The following PHF14 variants were observed in gnomAD, a reference collection of about 807,000 sequenced individuals.
PHF14 encodes PHD finger protein 14.
A neutral mutation model predicts 117.9 loss-of-function variants in PHF14; 55 were observed. That is an observed-to-expected ratio of 0.47 (90% CI 0.38 to 0.58). The LOEUF (loss-of-function observed/expected upper bound fraction) is 0.58, where lower values mean the gene tolerates loss of function less well. PHF14 is among the 20% of genes least tolerant of loss of function. PHF14 has a pLI of 0.00. For synonymous variants in PHF14, 409 were observed against 368.6 expected (o/e 1.11, Z -1.26); for missense variants, 978 against 1,122.2 (o/e 0.87, Z 1.84).
chr7:11,143,759 C>G (rs1788464175), intron 17 of PHF14, among the ~76,000 whole-genome samples: 1 of 152,040 alleles, frequency 6.6e-6, no homozygotes, highest in African/African-American at 2.4e-5. Context: ...AGGTCATAAC[C>G]TTTATCCTCT....
chr7:10,984,425 A>G (rs76261133), intron 3 of PHF14, among the ~76,000 whole-genome samples: 120 of 152,238 alleles, frequency 7.9e-4, no homozygotes, highest in African/African-American at 2.7e-3. Flanking sequence ...CATTTGGGAA[A>G]TAGTGTAATA....
Position 10,993,018 on chromosome 7 carries a change from T to C in PHF14, c.1045+2171T>C, listed in dbSNP as rs560670703. 4.6e-5 allele frequency among the ~76,000 whole-genome samples: 7 copies of C among 152,292 alleles called. No individual in the cohort carries two copies. The South Asian group carries it at 1.0e-3, about 23-fold the overall frequency. On this transcript the variant is annotated intron_variant, in intron 4 of 17. Transcript: ENST00000634607. ...TTTGGCCGGAATACCACGGAAGTTATATAGTGTTCTTAGTGCATCGTATTA... is the reference window on the plus strand; with the variant it reads ...TTTGGCCGGAATACCACGGAAGTTACATAGTGTTCTTAGTGCATCGTATTA...
At chr7:11,068,440 G>T (rs560236693) in intron 16 of PHF14, among the ~76,000 whole-genome samples, 1 of 151,804 alleles carries the variant, frequency 6.6e-6, no homozygotes, top group Non-Finnish European at 1.5e-5. Context: ...GTTACAGAAG[G>T]GTACAAATAA....
intron 3 of PHF14, among the ~76,000 whole-genome samples, chr7:10,989,453 A>G (rs568311500): frequency 3.3e-5 from 5 of 152,330 alleles, no homozygotes; most frequent in South Asian, 2.1e-4. Flanking sequence ...ATAAAAATGT[A>G]TGGACCCAAG....
intron 17 of PHF14, among the ~76,000 whole-genome samples, chr7:11,148,105 A>C (rs906885005): frequency 6.6e-6 from 1 of 152,156 alleles, no homozygotes; most frequent in African/African-American, 2.4e-5. Flanking sequence ...CAGTACTCCA[A>C]GTTACCATCA....
intron 4 of PHF14, among the ~76,000 whole-genome samples, chr7:11,007,271 T>C (rs919313089): frequency 4.6e-5 from 7 of 152,222 alleles, no homozygotes; most frequent in African/African-American, 1.7e-4. Context: ...GAATTCTTTT[T>C]TTAATGGTCT....
At chr7:11,136,314 AG>A (rs1412928446) in intron 17 of PHF14, among the ~76,000 whole-genome samples, 1 of 152,166 alleles carries the variant, frequency 6.6e-6, no homozygotes, top group Non-Finnish European at 1.5e-5. Context: ...GAAGGAATTT[AG>A]AACTTTTCAT....
intron 16 of PHF14, among the ~76,000 whole-genome samples, chr7:11,095,844 A>T (rs1786832632): frequency 6.7e-6 from 1 of 148,242 alleles, no homozygotes; most frequent in Non-Finnish European, 1.5e-5. Flanking sequence ...GATTCTGTAG[A>T]TTTTTTTTTT....
Position 10,982,962 on chromosome 7 carries a change from G to T in PHF14, c.703G>T (p.Asp235Tyr). Residue 235 changes from aspartate to tyrosine, a missense_variant, in exon 3 of 18, where the codon GAC becomes TAC. Coordinates refer to ENST00000634607, the MANE Select transcript of PHF14 (RefSeq NM_001007157.2). ...GTCTCAGAAAGAGGGAAGTGATGGA[G>T]ACAATGAGGATGATGAAGATGAGGG... is the stretch of plus-strand genomic sequence containing the variant. The part of the protein sequence containing the change: ...SASQKEGSDG[D>Y]NEDDEDEGSG... 6.3e-7 allele frequency: 1 copy of T among 1,594,146 alleles called. No homozygotes were observed.
chr7:11,092,474 T>C (rs1786676078), intron 16 of PHF14, among the ~76,000 whole-genome samples: 1 of 152,188 alleles, frequency 6.6e-6, no homozygotes, highest in South Asian at 2.1e-4. Context: ...GGTTCTCAAT[T>C]GGCTAGAGAT....
chr7:11,134,167 G>C (rs576044131), intron 17 of PHF14, among the ~76,000 whole-genome samples: 1 of 151,996 alleles, frequency 6.6e-6, no homozygotes, highest in East Asian at 1.9e-4. Flanking sequence ...TTAAAATGAT[G>C]AACTTTACAG....
chr7:11,031,846 A>G (rs961854748), intron 7 of PHF14, among the ~76,000 whole-genome samples: 9 of 152,224 alleles, frequency 5.9e-5, no homozygotes, highest in Non-Finnish European at 1.2e-4. Context: ...TTTACATTAT[A>G]TAGTCTAAAG....
intron 16 of PHF14, among the ~76,000 whole-genome samples, chr7:11,085,543 C>T (rs1016518595): frequency 5.3e-5 from 8 of 152,088 alleles, no homozygotes; most frequent in Non-Finnish European, 1.0e-4. Context: ...TAAATTTAAT[C>T]GTTTTTTAAT....
chr7:11,009,086 T>C (rs1783246459), intron 4 of PHF14, among the ~76,000 whole-genome samples: 1 of 151,106 alleles, frequency 6.6e-6, no homozygotes, highest in Admixed American at 6.6e-5. Context: ...TAGTCAAAAG[T>C]CTAATGATAT....
At position 10,974,360 on chromosome 7, in the gene PHF14, A is replaced by G. The variant is rs748185064; in HGVS notation, c.1+36A>G. The G allele has an allele frequency of 2.9e-5, 45 of 1,565,926 alleles. No individual in the cohort carries two copies. In the South Asian group the frequency reaches 5.0e-4, roughly 17 times the overall value. ...CCGAGGCCTCTGCGGCGAGAGGTCC[A>G]TTTCAGCCATTCTAGAAGTCAGGGC... On this transcript the variant is annotated intron_variant, in intron 1 of 17. Transcript: ENST00000634607.
intron 16 of PHF14, among the ~76,000 whole-genome samples, chr7:11,084,501 T>C (rs541223176): frequency 7.2e-5 from 11 of 152,126 alleles, no homozygotes; most frequent in African/African-American, 2.6e-4. Flanking sequence ...TTGTGTTTTT[T>C]TTTTTTTTTA....
intron 4 of PHF14, among the ~76,000 whole-genome samples, chr7:11,007,169 G>A (rs1783144719): frequency 6.6e-6 from 1 of 151,752 alleles, no homozygotes; most frequent in Non-Finnish European, 1.5e-5. Flanking sequence ...CTCCAGCCCG[G>A]GTAACAAGAG....
chr7:11,006,006 T>A (rs779840046), intron 4 of PHF14, among the ~76,000 whole-genome samples: 21 of 151,978 alleles, frequency 1.4e-4, no homozygotes, highest in Admixed American at 4.6e-4. Context: ...GTTGGCCAGG[T>A]TGGTCTCGAT....
chr7:11,131,077 T>A (rs1349052544), intron 17 of PHF14, among the ~76,000 whole-genome samples: 1 of 151,970 alleles, frequency 6.6e-6, no homozygotes, highest in Non-Finnish European at 1.5e-5. Flanking sequence ...AAAATTTGTT[T>A]GTTTTGTACA....
Sources: allele counts gnomAD v4.1 joint callset (sites outside exome capture counted in the v4.1 genomes callset), GRCh38; gene constraint gnomAD v4.1.1; transcripts MANE v1.5; gene names NCBI Gene and HGNC (gene_info 2026-07-23, HGNC 2026-07-21).